MAP4: variants seen among roughly 807,000 people sequenced by gnomAD.
The protein encoded by MAP4 is microtubule associated protein 4.
A neutral mutation model predicts 170.2 loss-of-function variants in MAP4; 76 were observed. That is an observed-to-expected ratio of 0.45 (90% CI 0.37 to 0.54). The LOEUF (loss-of-function observed/expected upper bound fraction) is 0.54, where lower values mean the gene tolerates loss of function less well. Among genes scored for constraint, MAP4 ranks in the 20% least tolerant of loss-of-function variants. MAP4 has a pLI of 0.00. For missense variants in MAP4, 2,506 were observed against 2,748.0 expected (o/e 0.91, Z 1.97); for synonymous variants, 909 against 994.5 (o/e 0.91, Z 1.62).
intron 1 of MAP4, among the ~76,000 whole-genome samples, chr3:48,065,803 T>C (rs2100138034): frequency 6.6e-6 from 1 of 151,982 alleles, no homozygotes; most frequent in South Asian, 2.1e-4. Flanking sequence ...CAAGCAACAA[T>C]GTAAGCCAGA....
intron 1 of MAP4, among the ~76,000 whole-genome samples, chr3:48,081,583 C>T (rs1166294472): frequency 6.6e-6 from 1 of 152,086 alleles, no homozygotes; most frequent in Non-Finnish European, 1.5e-5. Context: ...CCAAATTTCT[C>T]ACTTTCAGAG....
At chr3:47,882,060 C>T (rs992139127) in intron 10 of MAP4, among the ~76,000 whole-genome samples, 1 of 152,194 alleles carries the variant, frequency 6.6e-6, no homozygotes, top group South Asian at 2.1e-4. Flanking sequence ...GGGCTTATCA[C>T]CTGAAGTCAG....
chr3:48,063,067 T>C (rs998760706), intron 1 of MAP4, among the ~76,000 whole-genome samples: 3 of 151,530 alleles, frequency 2.0e-5, no homozygotes, highest in Middle Eastern at 3.4e-3. Flanking sequence ...CATCAGAGAA[T>C]TGCCAATTAA....
intron 10 of MAP4, among the ~76,000 whole-genome samples, chr3:47,886,345 G>C (rs1463887488): frequency 6.6e-6 from 1 of 152,128 alleles, no homozygotes; most frequent in Non-Finnish European, 1.5e-5. Context: ...CTATCTCCCA[G>C]GCTGGAGCAC....
chr3:47,852,976 AG>A (rs1305903112), intron 20 of MAP4, 38 bp from the exon 21 acceptor site: 1 of 1,614,128 alleles, frequency 6.2e-7, no homozygotes, highest in Admixed American at 1.7e-5. Context: ...AGAGGGGAAC[AG>A]GGGAGACAAG....
intron 2 of MAP4, chr3:47,987,293 G>T: frequency 1.1e-6 from 1 of 916,004 alleles, no homozygotes; most frequent in Non-Finnish European, 1.6e-6. Context: ...GCTAGAGCAT[G>T]TTAATAAGTG....
At position 48,058,713 on chromosome 3, in the gene MAP4, C is replaced by T. The variant is rs553463370; in HGVS notation, c.-20+30060G>A. 8.5e-4 allele frequency among the ~76,000 whole-genome samples: 130 copies of T among 152,118 alleles called. 2 individuals carry two copies. The highest frequency in any genetic ancestry group is 7.4e-4 in the Non-Finnish European group (50 of 67,984). On this transcript the variant is annotated intron_variant, in intron 1 of 18. Coordinates refer to the MAP4 transcript ENST00000360240. ...CTTTGGTTTGTTGGTTTTCTAAAAC[C>T]AATAAAACAATTGTCTTTTCCTGCA...
chr3:47,859,308 C>T (rs1417206514), intron 17 of MAP4, among the ~76,000 whole-genome samples: 1 of 152,212 alleles, frequency 6.6e-6, no homozygotes, highest in East Asian at 1.9e-4. Context: ...GGTTTCACCA[C>T]AAGCTGTTAA....
intron 1 of MAP4, among the ~76,000 whole-genome samples, chr3:48,086,606 A>G (rs1311246141): frequency 6.6e-6 from 1 of 152,218 alleles, no homozygotes; most frequent in Non-Finnish European, 1.5e-5. Flanking sequence ...GCCACTGTCC[A>G]GCCTGGGCGA....
upstream of MAP4, among the ~76,000 whole-genome samples, chr3:48,018,894 A>G (rs1000120221): frequency 6.6e-6 from 1 of 152,236 alleles, no homozygotes; most frequent in African/African-American, 2.4e-5. Context: ...CTGGAATTAT[A>G]GAAAGAAAGC....
chr3:47,891,100 C>T (rs913547404), intron 10 of MAP4: 6 of 1,535,902 alleles, frequency 3.9e-6, no homozygotes, highest in Non-Finnish European at 5.2e-6. Flanking sequence ...TCTTCCCTGC[C>T]AGAGCCGTCT....
At chr3:47,921,336 A>G (rs1559472370) in intron 5 of MAP4, among the ~76,000 whole-genome samples, 1 of 152,156 alleles carries the variant, frequency 6.6e-6, no homozygotes, top group Non-Finnish European at 1.5e-5. Context: ...AGAATATGCC[A>G]CCCCAAAATA....
intron 1 of MAP4, among the ~76,000 whole-genome samples, chr3:48,053,413 A>T (rs1405131419): frequency 6.6e-6 from 1 of 152,222 alleles, no homozygotes; most frequent in East Asian, 1.9e-4. Flanking sequence ...CAAACAAGAA[A>T]GCCATTATTA....
intron 1 of MAP4, among the ~76,000 whole-genome samples, chr3:48,074,676 TTGTGTGTGTGTG>T (rs555691222): frequency 2.5e-4 from 23 of 90,636 alleles, no homozygotes; most frequent in South Asian, 7.9e-4. Flanking sequence ...ATCCAGCTAA[TTGTGTGTGTGTG>T]TGTGTGTGTG....
chr3:47,942,995 T>C (rs887449290), intron 3 of MAP4, among the ~76,000 whole-genome samples: 4 of 152,044 alleles, frequency 2.6e-5, no homozygotes, highest in Non-Finnish European at 5.9e-5. Context: ...ACACCTGTCG[T>C]CCCAGTTACT....
chr3:47,892,935 A>G (rs2100024805), intron 10 of MAP4: 2 of 977,600 alleles, frequency 2.0e-6, no homozygotes, highest in Non-Finnish European at 2.4e-6. Context: ...ACCACTCAGA[A>G]AACTGTTTTA....
chr3:48,053,589 TA>T (rs1559863413), intron 1 of MAP4, among the ~76,000 whole-genome samples: 2 of 152,218 alleles, frequency 1.3e-5, no homozygotes, highest in African/African-American at 4.8e-5. Flanking sequence ...CCAGTGTTTC[TA>T]AAACTAATGA....
chr3:48,074,299 G>A (rs1579823520), intron 1 of MAP4, among the ~76,000 whole-genome samples: 1 of 118,660 alleles, frequency 8.4e-6, no homozygotes, highest in African/African-American at 3.3e-5. Flanking sequence ...CACACACTAG[G>A]GCCTGTCATG....
At chr3:47,984,716 C>T (rs2100087562) in intron 2 of MAP4, among the ~76,000 whole-genome samples, 1 of 151,626 alleles carries the variant, frequency 6.6e-6, no homozygotes, top group African/African-American at 2.4e-5. Flanking sequence ...GGGGTGGTGG[C>T]TCAGCACTTT....
Sources: allele counts gnomAD v4.1 joint callset (sites outside exome capture counted in the v4.1 genomes callset), GRCh38; gene constraint gnomAD v4.1.1; transcripts MANE v1.5; gene names NCBI Gene and HGNC (gene_info 2026-07-23, HGNC 2026-07-21).